Variants in CCR7 observed in about 807,000 individuals in gnomAD.
The protein encoded by CCR7 is C-C chemokine receptor type 7.
Under a neutral mutation model 26.0 loss-of-function variants are expected in CCR7, and 11 were observed. The ratio of observed to expected loss-of-function variants is 0.42; its 90% CI spans 0.27 to 0.70. The LOEUF (loss-of-function observed/expected upper bound fraction) is 0.70. CCR7 is among the 30% of genes least tolerant of loss of function. The pLI is 0.23. For synonymous variants in CCR7, 189 were observed against 202.1 expected (o/e 0.94, Z 0.55); for missense variants, 360 against 504.0 (o/e 0.71, Z 2.74).
chr17:40,556,120 G>A (rs548179094), intron 2 of CCR7, among the ~76,000 whole-genome samples: 9 of 151,984 alleles, frequency 5.9e-5, no homozygotes, highest in East Asian at 1.9e-4. Flanking sequence ...TTGCCCAGGC[G>A]GGAGGAATAG....
rs372297045 is a variant in CCR7, at chr17:40,555,908, CTT to C, written c.61-92_61-91del. On this transcript the variant is annotated intron_variant, in intron 2 of 2. Transcript: ENST00000246657. This position sits in a 1 kb window ranked among gnomAD's most constrained non-coding sequence, Gnocchi z 5.6. The stretch of plus-strand genomic sequence containing the variant: ...TTTAGCCTAGAGCAGTGGTTTCTTT[CTT>C]TTTTTTTTTTCTTGAGACATGGTCT... 186 of 682,092 alleles carry C rather than the reference CTT, an allele frequency of 2.7e-4. No homozygotes were observed. Among genetic ancestry groups the C allele is most frequent in the East Asian group, 3.4e-4 (11 of 32,502 alleles). The allele number at this position is 682,092 out of a possible 1,614,324, so 42.3% of individuals were successfully genotyped here. A position where few individuals can be genotyped will look rare whatever the true frequency, so the allele number is the denominator to read the frequency against.
chr17:40,555,154 C>T lies in CCR7; in HGVS notation c.725G>A (p.Cys242Tyr), dbSNP rs757451307. The T allele has an allele frequency of 1.9e-6, 3 of 1,614,180 alleles. No homozygotes were observed. Among genetic ancestry groups the T allele is most frequent in the Non-Finnish European group, 2.5e-6 (3 of 1,180,044 alleles). Reference protein sequence around the residue: ...FLVPLLAMSFCYLVIIRTLLQ... With the variant: ...FLVPLLAMSFYYLVIIRTLLQ... Reference sequence around the variant, plus strand: ...CAGGGTGCGGATGATGACAAGGTAACAGAAGCTCATGGCCAGCAGGGGGAC... The same window carrying T: ...CAGGGTGCGGATGATGACAAGGTAATAGAAGCTCATGGCCAGCAGGGGGAC... Residue 242 changes from cysteine to tyrosine, a missense_variant, in exon 3 of 3, where the codon TGT becomes TAT. Physicochemically the swap from Cys to Tyr is radical, Grantham distance 194. Coordinates refer to ENST00000246657, the MANE Select transcript of CCR7 (RefSeq NM_001838.4). This position sits in a 1 kb window ranked among gnomAD's most constrained non-coding sequence, Gnocchi z 5.6.
At chr17:40,562,483 C>T (rs537296013) in intron 1 of CCR7, among the ~76,000 whole-genome samples, 1 of 152,132 alleles carries the variant, frequency 6.6e-6, no homozygotes, top group African/African-American at 2.4e-5. Context: ...AACATCCCGG[C>T]CCCCAAAAGA....
rs1429554302 is a variant in CCR7, at chr17:40,555,861, G to A, written c.61-43C>T. On this transcript the variant is annotated intron_variant, in intron 2 of 2. Coordinates refer to ENST00000246657, the MANE Select transcript of CCR7 (RefSeq NM_001838.4). This position sits in a 1 kb window ranked among gnomAD's most constrained non-coding sequence, Gnocchi z 5.6. ...AGGGAAAACAGGCCAGTTTAGCTGG[G>A]TGGCTCCAACTCTGGCTGGGATTTA... 2 of 1,415,970 alleles carry A rather than the reference G, an allele frequency of 1.4e-6. No individual in the cohort carries two copies. The highest frequency in any genetic ancestry group is 2.0e-6 in the Non-Finnish European group (2 of 1,012,418). The allele number at this position is 1,415,970 out of a possible 1,614,324, so 87.7% of individuals were successfully genotyped here. A position where few individuals can be genotyped will look rare whatever the true frequency, so the allele number is the denominator to read the frequency against.
rs2036571914 is a variant in CCR7 at position 40,555,351 on chromosome 17, C to A, written c.528G>T (p.Lys176Asn). The A allele has an allele frequency of 6.2e-7, 1 of 1,614,178 alleles. No individual in the cohort carries two copies. Among genetic ancestry groups the A allele is most frequent in the Non-Finnish European group, 8.5e-7 (1 of 1,180,038 alleles). Residue 176 changes from lysine (K) to asparagine (N), a missense_variant, in exon 3 of 3, where the codon AAG (lysine) becomes AAT (asparagine). Lys to Asn is a moderately conservative substitution (Grantham distance 94). Transcript: ENST00000246657. This position sits in a 1 kb window ranked among gnomAD's most constrained non-coding sequence, Gnocchi z 5.6. ...GTATCCAGATGCCCACACAGGACAG[C>A]TTGCTGATGAGAAGGACGCGGGCAC... The part of the protein sequence containing the change: ...RHRARVLLIS[K>N]LSCVGIWILA...
intron 1 of CCR7, 99 bp from the exon 2 acceptor site, chr17:40,559,041 C>T: frequency 2.1e-6 from 2 of 971,808 alleles, no homozygotes; most frequent in Non-Finnish European, 3.1e-6. Flanking sequence ...AACTTTCCTC[C>T]CAAGCTCCAG....
intron 1 of CCR7, among the ~76,000 whole-genome samples, chr17:40,564,395 C>T (rs569158801): frequency 1.5e-4 from 23 of 152,218 alleles, no homozygotes; most frequent in Non-Finnish European, 3.4e-4. Flanking sequence ...TGTGGTGTGG[C>T]GAGGAGGGGT....
In CCR7 at chr17:40,555,772, T is replaced by C. The variant is rs1161074222; in HGVS notation, c.107A>G (p.Asn36Ser). ...DEVTDDYIGDNTTVDYTLFES... is the reference protein window; with the variant it reads ...DEVTDDYIGDSTTVDYTLFES... ...GAACAAAGTGTAGTCCACTGTGGTG[T>C]TGTCTCCGATGTAATCGTCCGTGAC... Residue 36 changes from asparagine to serine, a missense_variant, in exon 3 of 3, where the codon AAC (asparagine) becomes AGC (serine). Transcript: ENST00000246657. The surrounding 1 kb of genome is among the most constrained non-coding windows in gnomAD (Gnocchi z 5.6). The C allele has an allele frequency of 6.2e-6, 10 of 1,614,038 alleles. No individual in the cohort carries two copies. Among genetic ancestry groups the C allele is most frequent in the African/African-American group, 1.3e-5 (1 of 74,900 alleles).
chr17:40,560,108 G>A (rs2290065), intron 1 of CCR7, among the ~76,000 whole-genome samples: 9,874 of 152,256 alleles, frequency 0.065, 521 homozygotes, highest in East Asian at 0.27. Context: ...GATGTGCTCA[G>A]TCTGGTTTTG....
rs994101385 is a variant in CCR7, at chr17:40,554,888, C to T, written c.991G>A (p.Val331Ile). Residue 331 changes from valine (V) to isoleucine (I), a missense_variant, in exon 3 of 3, where the codon GTC becomes ATC. Coordinates refer to ENST00000246657, the MANE Select transcript of CCR7 (RefSeq NM_001838.4). Reference protein sequence around the residue: ...VNPFLYAFIGVKFRNDLFKLF... With the variant: ...VNPFLYAFIGIKFRNDLFKLF... ...TTGAAGAGATCGTTGCGGAACTTGA[C>T]GCCGATGAAGGCGTACAAGAAAGGG... 1.8e-5 allele frequency: 29 copies of T among 1,614,082 alleles called. No individual in the cohort carries two copies. The highest frequency in any genetic ancestry group is 2.2e-5 in the Non-Finnish European group (26 of 1,180,040).
At chr17:40,563,390 T>C (rs1423795275) in intron 1 of CCR7, among the ~76,000 whole-genome samples, 1 of 152,188 alleles carries the variant, frequency 6.6e-6, no homozygotes, top group Non-Finnish European at 1.5e-5. Flanking sequence ...ATGGGTTCAT[T>C]TTTTCCTTGC....
At position 40,554,151 on chromosome 17, in the gene CCR7, T is replaced by A. The variant is rs1247857782; in HGVS notation, c.*591A>T. The A allele has an allele frequency of 6.5e-6, 1 of 152,720 alleles. No homozygotes were observed. The highest frequency in any genetic ancestry group is 1.5e-5 in the Non-Finnish European group (1 of 68,520). 9.5% of individuals were successfully genotyped at this position (152,720 alleles called of 1,614,324 possible). ...GAGGGCGACGCGGCAAGTGAGGGGATGAGTGTGCTTTTAGGGCGGCGTGGC... is the reference window on the plus strand; with the variant it reads ...GAGGGCGACGCGGCAAGTGAGGGGAAGAGTGTGCTTTTAGGGCGGCGTGGC... On this transcript the variant is annotated 3_prime_UTR_variant, in exon 3 of 3. Transcript: ENST00000246657.
At position 40,555,615 on chromosome 17, in the gene CCR7, C is replaced by T. The variant is rs372058135; in HGVS notation, c.264G>A (p.Arg88=). ...LVVLTYIYFK[R]LKTMTDTYLL... is the part of the protein sequence containing the mutation. ...GGTAGGTATCGGTCATGGTCTTGAG[C>T]CTCTTGAAATAGATATAGGTCAACA... Residue 88 remains arginine, a synonymous_variant, in exon 3 of 3, where the codon AGG becomes AGA. Transcript: ENST00000246657. This position sits in a 1 kb window ranked among gnomAD's most constrained non-coding sequence, Gnocchi z 5.6. 153 of 1,613,998 alleles carry T rather than the reference C, an allele frequency of 9.5e-5. No homozygotes were observed. Among genetic ancestry groups the T allele is most frequent in the Non-Finnish European group, 1.3e-4 (152 of 1,180,016 alleles).
intron 2 of CCR7, 80 bp downstream of exon 2, chr17:40,558,813 G>T: frequency 8.0e-7 from 1 of 1,247,718 alleles, no homozygotes; most frequent in Non-Finnish European, 1.2e-6. Flanking sequence ...TCTAGCAAAT[G>T]CCCAGCTCCT....
At chr17:40,562,471 C>T (rs1228967642) in intron 1 of CCR7, among the ~76,000 whole-genome samples, 1 of 152,176 alleles carries the variant, frequency 6.6e-6, no homozygotes, top group African/African-American at 2.4e-5. Flanking sequence ...CTTCCATCCC[C>T]CAACATCCCG....
intron 1 of CCR7, among the ~76,000 whole-genome samples, chr17:40,559,987 G>A (rs2036636679): frequency 6.6e-6 from 1 of 151,992 alleles, no homozygotes; most frequent in Non-Finnish European, 1.5e-5. Flanking sequence ...GGCTTGGGGG[G>A]CAGGTGAAAG....
chr17:40,559,729 T>C (rs2036633630), intron 1 of CCR7, among the ~76,000 whole-genome samples: 1 of 152,146 alleles, frequency 6.6e-6, no homozygotes, highest in Non-Finnish European at 1.5e-5. Flanking sequence ...CCCACAATTG[T>C]GTGCTGATGA....
Position 40,554,434 on chromosome 17 carries a change from C to CA in CCR7, c.*307dup, listed in dbSNP as rs11396895. On this transcript the variant is annotated 3_prime_UTR_variant, in exon 3 of 3. Transcript: ENST00000246657. ...TTGCACTCACCCTCCTTGGCCCCTT[C>CA]ACTCCAGCAGGTGGGAACAGTTTCT... 31,923 of 348,610 alleles carry CA rather than the reference C, an allele frequency of 0.092. 1,740 individuals carry two copies. The highest frequency in any genetic ancestry group is 0.14 in the South Asian group (3,561 of 25,230). 21.6% of individuals were successfully genotyped at this position (348,610 alleles called of 1,614,324 possible).
chr17:40,554,662 T>C lies in CCR7; in HGVS notation c.*80A>G, dbSNP rs1329688687. On this transcript the variant is annotated 3_prime_UTR_variant, in exon 3 of 3. Coordinates refer to ENST00000246657, the MANE Select transcript of CCR7 (RefSeq NM_001838.4). ...CTGAGCAGCTTTTGGCGGGGGGATG[T>C]CCTGAGTCATTGCATCTGCTCCCTA... is the stretch of plus-strand genomic sequence containing the variant. 5 of 1,106,796 alleles carry C rather than the reference T, an allele frequency of 4.5e-6. No individual in the cohort carries two copies. The highest frequency in any genetic ancestry group is 6.6e-6 in the Non-Finnish European group (5 of 761,400). The allele number at this position is 1,106,796 out of a possible 1,614,324, so 68.6% of individuals were successfully genotyped here. A position where few individuals can be genotyped will look rare whatever the true frequency, so the allele number is the denominator to read the frequency against.
Sources: allele counts gnomAD v4.1 joint callset (sites outside exome capture counted in the v4.1 genomes callset), GRCh38; gene constraint gnomAD v4.1.1; non-coding constraint Gnocchi (gnomAD v3.1); transcripts MANE v1.5; gene names NCBI Gene and HGNC (gene_info 2026-07-23, HGNC 2026-07-21).